The following ITPR2 variants were observed in gnomAD, a reference collection of about 807,000 sequenced individuals.
The protein encoded by ITPR2 is inositol 1,4,5-trisphosphate-gated calcium channel ITPR2.
In ITPR2, 207 loss-of-function variants were observed where a neutral mutation model predicts 317.1. That is an observed-to-expected ratio of 0.65 (90% confidence interval 0.58 to 0.73). The LOEUF (loss-of-function observed/expected upper bound fraction) is 0.73. ITPR2 is among the 30% of genes least tolerant of loss of function. The pLI is 0.00. For missense variants in ITPR2, 2,613 were observed against 3,284.0 expected (o/e 0.80, Z 4.99); for synonymous variants, 1,156 against 1,149.1 (o/e 1.01, Z -0.12).
At chr12:26,601,111 C>A (rs1477799839) in intron 28 of ITPR2, among the ~76,000 whole-genome samples, 1 of 152,144 alleles carries the variant, frequency 6.6e-6, no homozygotes, top group East Asian at 1.9e-4. Context: ...GCAAATTTGT[C>A]TTCTTAAAAG....
At chr12:26,587,445 A>G (rs1241172076) in intron 32 of ITPR2, among the ~76,000 whole-genome samples, 5 of 152,170 alleles carry the variant, frequency 3.3e-5, no homozygotes, top group African/African-American at 1.2e-4. Flanking sequence ...CTAAAGGAAA[A>G]GGAAGAAGTT....
Position 26,654,051 on chromosome 12 carries a change from G to T in ITPR2, c.2665C>A (p.Leu889Ile). 6.7e-7 allele frequency: 1 copy of T among 1,484,686 alleles called. No homozygotes were observed. 92.0% of individuals were successfully genotyped at this position (1,484,686 alleles called of 1,614,324 possible). A position where few individuals can be genotyped will look rare whatever the true frequency, so the allele number is the denominator to read the frequency against. Residue 889 changes from leucine to isoleucine, a missense_variant, in exon 21 of 57, where the codon CTT becomes ATT. Coordinates refer to ENST00000381340, the MANE Select transcript of ITPR2 (RefSeq NM_002223.4). ...FSELLRLTRTLLAILDIVQAP... is the reference protein window; with the variant it reads ...FSELLRLTRTILAILDIVQAP... Reference sequence around the variant, plus strand: ...TGTACAATGTCTAAAATAGCCAGAAGTGTTCTTGTTAGCCTTAATAACTCA... The same window carrying T: ...TGTACAATGTCTAAAATAGCCAGAATTGTTCTTGTTAGCCTTAATAACTCA...
intron 37 of ITPR2, among the ~76,000 whole-genome samples, chr12:26,544,567 G>GAC (rs35479352): frequency 8.0e-4 from 119 of 147,866 alleles, no homozygotes; most frequent in Non-Finnish European, 1.4e-3. Flanking sequence ...TTCACACATA[G>GAC]ACACACACAC....
intron 32 of ITPR2, among the ~76,000 whole-genome samples, chr12:26,582,010 A>T (rs1203699526): frequency 6.6e-6 from 1 of 152,220 alleles, no homozygotes; most frequent in Admixed American, 6.5e-5. Context: ...ATTAATGAAA[A>T]TAATCTATTT....
intron 37 of ITPR2, among the ~76,000 whole-genome samples, chr12:26,534,130 T>C: frequency 6.6e-6 from 1 of 152,208 alleles, no homozygotes; most frequent in South Asian, 2.1e-4. Flanking sequence ...CTTCCAGAAG[T>C]AGGTCCTTCA....
chr12:26,639,229 AGAAGTAAGGCTGCTTGCTG>A (rs1946928415), intron 21 of ITPR2, among the ~76,000 whole-genome samples: 1 of 152,224 alleles, frequency 6.6e-6, no homozygotes, highest in African/African-American at 2.4e-5. Context: ...AACAAGCAAC[AGAAGTAAGGCTGCTTGCTG>A]GAAGTGAGAG....
chr12:26,343,277 G>C (rs1185029475), intron 55 of ITPR2, among the ~76,000 whole-genome samples: 1 of 152,220 alleles, frequency 6.6e-6, no homozygotes, highest in Non-Finnish European at 1.5e-5. Flanking sequence ...GGCAAGACAG[G>C]AGATTGTGGA....
intron 2 of ITPR2, among the ~76,000 whole-genome samples, chr12:26,767,837 CTGTTTCTCAACATA>C (rs1297774454): frequency 6.6e-6 from 1 of 152,156 alleles, no homozygotes; most frequent in African/African-American, 2.4e-5. Flanking sequence ...AACATCTCAT[CTGTTTCTCAACATA>C]TGTTTGATTC....
intron 55 of ITPR2, among the ~76,000 whole-genome samples, chr12:26,378,718 T>C (rs1315023442): frequency 6.6e-6 from 1 of 152,234 alleles, no homozygotes; most frequent in South Asian, 2.1e-4. Flanking sequence ...TTCTCCTCAG[T>C]AAATACTCGT....
intron 37 of ITPR2, among the ~76,000 whole-genome samples, chr12:26,514,277 T>G (rs1298145246): frequency 1.3e-5 from 2 of 152,238 alleles, no homozygotes; most frequent in African/African-American, 2.4e-5. Context: ...TGGCTGGGAT[T>G]TGTATCAATT....
At chr12:26,491,570 C>T (rs1565557867) in intron 39 of ITPR2, among the ~76,000 whole-genome samples, 1 of 151,154 alleles carries the variant, frequency 6.6e-6, no homozygotes, top group Non-Finnish European at 1.5e-5. Context: ...AGCAGGGACA[C>T]CTCTTAGAAG....
At chr12:26,386,953 T>A (rs758623373) in intron 55 of ITPR2, among the ~76,000 whole-genome samples, 2 of 152,060 alleles carry the variant, frequency 1.3e-5, no homozygotes, top group African/African-American at 4.8e-5. Flanking sequence ...ATCCGAAGTA[T>A]GTGTTGATGG....
intron 2 of ITPR2, chr12:26,726,050 G>T (rs1174537525): frequency 4.2e-6 from 1 of 239,994 alleles, no homozygotes; most frequent in Non-Finnish European, 8.1e-6. Context: ...GTATTATAAG[G>T]CATGGATTAA....
intron 1 of ITPR2, among the ~76,000 whole-genome samples, chr12:26,817,269 G>A (rs1950875029): frequency 6.7e-6 from 1 of 150,310 alleles, no homozygotes; most frequent in Admixed American, 6.6e-5. Context: ...TTGTATCTCA[G>A]AAACCTGAAA....
chr12:26,623,484 G>A (rs536405416), intron 24 of ITPR2: 6 of 152,216 alleles, frequency 3.9e-5, no homozygotes, highest in Admixed American at 2.6e-4. Context: ...TTTATTATTA[G>A]TTATGTTGTT....
intron 39 of ITPR2, among the ~76,000 whole-genome samples, chr12:26,493,678 T>C (rs1942862576): frequency 6.6e-6 from 1 of 151,984 alleles, no homozygotes; most frequent in Non-Finnish European, 1.5e-5. Flanking sequence ...CTGTACCCTA[T>C]AAATATGTAC....
chr12:26,409,593 G>A (rs187840587), intron 52 of ITPR2, among the ~76,000 whole-genome samples: 3 of 150,102 alleles, frequency 2.0e-5, no homozygotes, highest in Admixed American at 6.6e-5. Context: ...TCCATCACAT[G>A]TTTTTCTTGA....
At chr12:26,791,374 TAA>T (rs5797201) in intron 1 of ITPR2, among the ~76,000 whole-genome samples, 6 of 146,288 alleles carry the variant, frequency 4.1e-5, no homozygotes, top group Non-Finnish European at 3.0e-5. Context: ...CCTTGTGGTT[TAA>T]AAAAAAAAAA....
intron 22 of ITPR2, among the ~76,000 whole-genome samples, chr12:26,631,658 T>C (rs1946754433): frequency 6.6e-6 from 1 of 152,180 alleles, no homozygotes; most frequent in East Asian, 1.9e-4. Context: ...ATCATTAGTA[T>C]ATTTAATGGG....
Sources: gnomAD v4.1 joint callset for allele counts (sites outside exome capture counted in the v4.1 genomes callset) on GRCh38, gnomAD v4.1.1 for gene constraint, MANE v1.5 for transcripts, NCBI Gene and HGNC (gene_info 2026-07-23, HGNC 2026-07-21) for gene names.